Variants in GRM5 observed in about 807,000 individuals in gnomAD.
GRM5 encodes the protein metabotropic glutamate receptor 5.
GRM5 carries 19 observed loss-of-function variants against 83.1 expected under a neutral mutation model. The ratio of observed to expected loss-of-function variants is 0.23; its 90% CI spans 0.16 to 0.34. GRM5 has a LOEUF of 0.34. Among genes scored for constraint, GRM5 ranks in the 10% least tolerant of loss-of-function variants. GRM5 has a pLI of 1.00. For missense variants in GRM5, 1,160 were observed against 1,588.3 expected, an observed-to-expected ratio of 0.73 and a Z score of 4.58; for synonymous variants, 675 against 633.6, an observed-to-expected ratio of 1.07 and a Z score of -0.98.
At chr11:88,726,567 C>A (rs1941685989) in intron 3 of GRM5, among the ~76,000 whole-genome samples, 1 of 152,124 alleles carries the variant, frequency 6.6e-6, no homozygotes, top group Non-Finnish European at 1.5e-5. Flanking sequence ...TCAGGAAGAG[C>A]AATCCCAAGA....
chr11:88,849,458 C>G (rs1419263102), intron 3 of GRM5, among the ~76,000 whole-genome samples: 1 of 152,082 alleles, frequency 6.6e-6, no homozygotes, highest in Non-Finnish European at 1.5e-5. Flanking sequence ...AAATAACAAG[C>G]CAATTTTCTA....
At chr11:88,834,604 C>T (rs200306563) in intron 3 of GRM5, among the ~76,000 whole-genome samples, 2 of 151,784 alleles carry the variant, frequency 1.3e-5, no homozygotes, top group Admixed American at 6.6e-5. Context: ...TAAAACAGCA[C>T]GTGTCCAAGA....
At chr11:89,026,917 G>C (rs1854394946) in intron 2 of GRM5, among the ~76,000 whole-genome samples, 1 of 152,102 alleles carries the variant, frequency 6.6e-6, no homozygotes, top group African/African-American at 2.4e-5. Context: ...TGACGAAGTG[G>C]AGGTGTTGAA....
At chr11:88,876,057 T>A (rs986182360) in intron 2 of GRM5, among the ~76,000 whole-genome samples, 6 of 152,074 alleles carry the variant, frequency 3.9e-5, no homozygotes, top group Non-Finnish European at 8.8e-5. Context: ...AAGCAGGCAC[T>A]CACCTCTCCT....
intron 8 of GRM5, among the ~76,000 whole-genome samples, chr11:88,552,641 G>C (rs188058251): frequency 2.4e-4 from 36 of 152,274 alleles, no homozygotes; most frequent in Admixed American, 2.4e-3. Context: ...CTGGTCGACT[G>C]ACTGCTGGGG....
At chr11:88,620,413 A>T (rs1938601023) in intron 4 of GRM5, among the ~76,000 whole-genome samples, 1 of 152,170 alleles carries the variant, frequency 6.6e-6, no homozygotes, top group Admixed American at 6.6e-5. Flanking sequence ...CTTGTTTATC[A>T]TTGTATTTCC....
At chr11:88,699,821 C>A (rs2135370883) in intron 3 of GRM5, among the ~76,000 whole-genome samples, 1 of 152,292 alleles carries the variant, frequency 6.6e-6, no homozygotes, top group South Asian at 2.1e-4. Flanking sequence ...TCTCCCAGAG[C>A]TGACACCTGT....
chr11:88,793,209 GC>G (rs901954963), intron 3 of GRM5, among the ~76,000 whole-genome samples: 6 of 152,042 alleles, frequency 3.9e-5, no homozygotes, highest in African/African-American at 1.4e-4. Flanking sequence ...ATATAATCTA[GC>G]CCAAACTTAA....
intron 4 of GRM5, among the ~76,000 whole-genome samples, chr11:88,627,097 G>T (rs754603686): frequency 1.3e-5 from 2 of 152,214 alleles, no homozygotes; most frequent in Admixed American, 1.3e-4. Context: ...ATCTCTATCT[G>T]CTAGGCATTT....
At chr11:88,584,328 A>G (rs1018650599) in intron 7 of GRM5, among the ~76,000 whole-genome samples, 1 of 151,024 alleles carries the variant, frequency 6.6e-6, no homozygotes, top group Non-Finnish European at 1.5e-5. Context: ...TGAAATCTGT[A>G]TCCTTCCTTT....
chr11:88,781,162 G>A (rs1373732094), intron 3 of GRM5, among the ~76,000 whole-genome samples: 1 of 148,742 alleles, frequency 6.7e-6, no homozygotes, highest in African/African-American at 2.5e-5. Flanking sequence ...TATATTTGGT[G>A]TATCCTTTTG....
chr11:88,742,928 A>G (rs1942058585), intron 3 of GRM5, among the ~76,000 whole-genome samples: 1 of 152,122 alleles, frequency 6.6e-6, no homozygotes, highest in Non-Finnish European at 1.5e-5. Context: ...GACGAGGAGG[A>G]AGCTCCAGTC....
At chr11:88,543,985 G>C (rs368823658) in intron 8 of GRM5, among the ~76,000 whole-genome samples, 2 of 152,184 alleles carry the variant, frequency 1.3e-5, no homozygotes, top group South Asian at 2.1e-4. Context: ...GATTAATGTT[G>C]TTATCATGGG....
intron 3 of GRM5, among the ~76,000 whole-genome samples, chr11:88,738,816 C>T (rs1174405203): frequency 1.3e-5 from 2 of 152,050 alleles, no homozygotes; most frequent in Non-Finnish European, 2.9e-5. Context: ...AATCTCAATA[C>T]TCATGCCCAG....
In GRM5 at chr11:88,627,878, C is replaced by T. The variant is rs117752149; in HGVS notation, c.1148-22914G>A. Among the ~76,000 whole-genome samples the T allele has an allele frequency of 4.0e-3, 609 of 152,200 alleles. 12 individuals carry two copies. In the East Asian group the frequency reaches 0.066, roughly 17 times the overall value. On this transcript the variant is annotated intron_variant, in intron 4 of 9. Coordinates refer to ENST00000305447, the MANE Select transcript of GRM5 (RefSeq NM_001143831.3). ...ATTTTTAAATATGGTTTTTGATTAC[C>T]TCGTTTTCTTCAAAATTCTTCAACA... is the stretch of plus-strand genomic sequence containing the variant.
At chr11:88,683,359 AC>A (rs569268088) in intron 3 of GRM5, among the ~76,000 whole-genome samples, 123 of 152,306 alleles carry the variant, frequency 8.1e-4, no homozygotes, top group African/African-American at 2.8e-3. Flanking sequence ...ACCAGCGAAA[AC>A]ACTGCCTAGT....
At chr11:88,955,317 T>TATA (rs1330643183) in intron 2 of GRM5, among the ~76,000 whole-genome samples, 1 of 152,220 alleles carries the variant, frequency 6.6e-6, no homozygotes, top group African/African-American at 2.4e-5. Flanking sequence ...CACTAATGTG[T>TATA]ATAAACAATG....
At chr11:88,546,880 C>A (rs1413914453) in intron 8 of GRM5, among the ~76,000 whole-genome samples, 1 of 151,996 alleles carries the variant, frequency 6.6e-6, no homozygotes. Flanking sequence ...GTAAGAAGAG[C>A]AAGCTGAAGA....
At chr11:88,691,108 G>C (rs918684935) in intron 3 of GRM5, among the ~76,000 whole-genome samples, 2 of 152,162 alleles carry the variant, frequency 1.3e-5, no homozygotes, top group Non-Finnish European at 1.5e-5. Context: ...TCAAATTGCA[G>C]AGAATGATGG....
Sources: allele counts gnomAD v4.1 joint callset (sites outside exome capture counted in the v4.1 genomes callset), GRCh38; gene constraint gnomAD v4.1.1; transcripts MANE v1.5; gene names NCBI Gene and HGNC (gene_info 2026-07-23, HGNC 2026-07-21).